The following XIRP1 variants were observed in gnomAD, a reference collection of about 807,000 sequenced individuals.
XIRP1 encodes the protein xin actin binding repeat containing 1.
For missense variants in XIRP1, 2,378 were observed against 2,345.4 expected (o/e 1.01, Z -0.29); for synonymous variants, 984 against 947.0 (o/e 1.04, Z -0.72).
rs1406582628 is a variant in XIRP1 at position 39,188,828 on chromosome 3, G to T, written c.618C>A (p.Arg206=). The change falls in exon 2 of 2, where the codon CGC becomes CGA. Residue 206 remains arginine (R), a synonymous_variant. Coordinates refer to ENST00000340369, the MANE Select transcript of XIRP1 (RefSeq NM_194293.4). ...ETRPLDRLGS[R]PSLQEQSPLE... is the part of the protein sequence containing the mutation. ...AGGGGCTCTGCTCCTGCAGGGAGGG[G>T]CGGGAGCCCAGGCGGTCCAGCGGCC... 5 of 1,613,046 alleles carry T rather than the reference G, an allele frequency of 3.1e-6. No homozygotes were observed. Among genetic ancestry groups the T allele is most frequent in the East Asian group, 2.2e-5 (1 of 44,884 alleles).
rs747906215 is a variant in XIRP1 at position 39,184,443 on chromosome 3, G to A, written c.5003C>T (p.Ser1668Phe). 8.1e-6 allele frequency: 13 copies of A among 1,614,092 alleles called. No homozygotes were observed. The Middle Eastern group carries it at 4.9e-4, about 61-fold the overall frequency. The change falls in exon 2 of 2, where the codon TCC becomes TTC. Residue 1668 changes from serine to phenylalanine, a missense_variant. Physicochemically the swap from Ser to Phe is radical, Grantham distance 155. Coordinates refer to ENST00000340369, the MANE Select transcript of XIRP1 (RefSeq NM_194293.4). ...CTGGATGGAGATAAATGTTGGGGAG[G>A]AGGGAGAATCTCGGCTGGAAGGTAA... is the stretch of plus-strand genomic sequence containing the variant. ...RVLPSSRDSP[S>F]SPTFISIQSA...
At position 39,184,963 on chromosome 3, in the gene XIRP1, G is replaced by T. The variant is rs373841784; in HGVS notation, c.4483C>A (p.Arg1495=). 1.4e-5 allele frequency: 22 copies of T among 1,542,494 alleles called. No homozygotes were observed. The highest frequency in any genetic ancestry group is 1.8e-5 in the Non-Finnish European group (21 of 1,146,864). The change falls in exon 2 of 2, where the codon CGG becomes AGG. Residue 1495 remains arginine (R), a synonymous_variant. Coordinates refer to ENST00000340369, the MANE Select transcript of XIRP1 (RefSeq NM_194293.4). ...TGGGGCACGGCCTCAAAGAGCCTCCGCAGGGCCTGCACGTCCACACTGCTT... is the reference window on the plus strand; with the variant it reads ...TGGGGCACGGCCTCAAAGAGCCTCCTCAGGGCCTGCACGTCCACACTGCTT... ...AASSVDVQAL[R]RLFEAVPQLG... is the part of the protein sequence containing the mutation.
Position 39,187,714 on chromosome 3 carries a change from G to C in XIRP1, c.1732C>G (p.Gln578Glu). 1 of 1,614,048 alleles carries C rather than the reference G, an allele frequency of 6.2e-7. No individual in the cohort carries two copies. Among genetic ancestry groups the C allele is most frequent in the Non-Finnish European group, 8.5e-7 (1 of 1,180,034 alleles). The change falls in exon 2 of 2, where the codon CAG becomes GAG. Residue 578 changes from glutamine to glutamate, a missense_variant. Transcript: ENST00000340369. ...QERQKEEGKSQGDPQPEAPPK... is the reference protein window; with the variant it reads ...QERQKEEGKSEGDPQPEAPPK... ...GGTGCCTCAGGCTGGGGGTCTCCCT[G>C]ACTCTTCCCTTCTTCTTTCTGTCGT...
rs1159958422 is a variant in XIRP1 at position 39,187,111 on chromosome 3, GCA to G, written c.2333_2334del (p.Leu778ProfsTer48). The G allele has an allele frequency of 6.2e-7, 1 of 1,613,344 alleles. No individual in the cohort carries two copies. The highest frequency in any genetic ancestry group is 8.5e-7 in the Non-Finnish European group (1 of 1,179,476). On this transcript the variant is annotated frameshift_variant, in exon 2 of 2. Coordinates refer to ENST00000340369, the MANE Select transcript of XIRP1 (RefSeq NM_194293.4). LOFTEE classifies it low-confidence loss of function (END_TRUNC). Reference protein sequence around the residue: ...ETAAEGTLRTLHATPGILHHG... With the variant: ...ETAAEGTLRTXHATPGILHHG... The stretch of plus-strand genomic sequence containing the variant: ...TGGTGCAGGATGCCAGGTGTGGCAT[GCA>G]GAGTCCGCAGGGTCCCCTCAGCTGC...
chr3:39,184,206 T>C lies in XIRP1; in HGVS notation c.5240A>G (p.Lys1747Arg), dbSNP rs745471050. The C allele has an allele frequency of 1.2e-6, 2 of 1,614,210 alleles. No individual in the cohort carries two copies. The highest frequency in any genetic ancestry group is 1.7e-6 in the Non-Finnish European group (2 of 1,180,032). The change falls in exon 2 of 2, where the codon AAG becomes AGG. Residue 1747 changes from lysine to arginine, a missense_variant. By Grantham distance (26) the Lys-to-Arg change is conservative. Coordinates refer to ENST00000340369, the MANE Select transcript of XIRP1 (RefSeq NM_194293.4). ...SASPLPRGWQ[K>R]SVLELQTGPG... ...CCCCGTCTGTAGCTCCAGAACACTC[T>C]TTTGCCACCCTCTGGGCAGGGGACT...
rs759722341 is a variant in XIRP1 at position 39,187,534 on chromosome 3, G to T, written c.1912C>A (p.Pro638Thr). 6.2e-7 allele frequency: 1 copy of T among 1,614,020 alleles called. No individual in the cohort carries two copies. The highest frequency in any genetic ancestry group is 8.5e-7 in the Non-Finnish European group (1 of 1,180,038). Residue 638 changes from proline to threonine, a missense_variant, in exon 2 of 2, where the codon CCA becomes ACA. Coordinates refer to ENST00000340369, the MANE Select transcript of XIRP1 (RefSeq NM_194293.4). ...WMFKPQPVDR[P>T]VGSREQHLQV... is the part of the protein sequence containing the mutation. ...AGGTGCTGCTCCCTGGAGCCCACTG[G>T]CCTGTCCACAGGTTGGGGCTTGAAC...
Position 39,185,956 on chromosome 3 carries a change from G to T in XIRP1, c.3490C>A (p.Pro1164Thr). The change falls in exon 2 of 2, where the codon CCC (proline) becomes ACC (threonine). Residue 1164 changes from proline (P) to threonine (T), a missense_variant. By Grantham distance (38) the Pro-to-Thr change is conservative. Transcript: ENST00000340369. ...PGGVQLSQREPQSRHRETALS... is the reference protein window; with the variant it reads ...PGGVQLSQRETQSRHRETALS... The stretch of plus-strand genomic sequence containing the variant: ...GCAGTCTCCCTGTGCCTTGACTGGG[G>T]TTCCCTCTGAGAAAGCTGGACACCC... 2 of 1,614,080 alleles carry T rather than the reference G, an allele frequency of 1.2e-6. No individual in the cohort carries two copies. The highest frequency in any genetic ancestry group is 1.7e-6 in the Non-Finnish European group (2 of 1,179,964).
intron 1 of XIRP1, among the ~76,000 whole-genome samples, chr3:39,191,023 G>A (rs1234363097): frequency 6.6e-6 from 1 of 152,186 alleles, no homozygotes; most frequent in Non-Finnish European, 1.5e-5. Context: ...CACCTTCCCT[G>A]GCCAAAGGAG....
Position 39,183,437 on chromosome 3 carries a change from CCAAA to C in XIRP1, c.*473_*476del, listed in dbSNP as rs2039900493. On this transcript the variant is annotated 3_prime_UTR_variant, in exon 2 of 2. Transcript: ENST00000340369. ...TCCTTCTGGAGACCTCACAGTGATT[CCAAA>C]CAGAGACCAACGCTGTGTCCAGTTG... 6.4e-6 allele frequency: 1 copy of C among 155,370 alleles called. No individual in the cohort carries two copies. The highest frequency in any genetic ancestry group is 2.4e-5 in the African/African-American group (1 of 41,472). 9.6% of individuals were successfully genotyped at this position (155,370 alleles called of 1,614,324 possible). A position where few individuals can be genotyped will look rare whatever the true frequency, so the allele number is the denominator to read the frequency against.
In XIRP1 at chr3:39,190,052, C is replaced by T. The variant is rs2040066060; in HGVS notation, c.-80-527G>A. Among the ~76,000 whole-genome samples, 2 of 152,342 alleles carry T rather than the reference C, an allele frequency of 1.3e-5. 1 individual carries two copies. Among genetic ancestry groups the T allele is most frequent in the Middle Eastern group, 6.8e-3 (2 of 294 alleles). On this transcript the variant is annotated intron_variant, in intron 1 of 1. Transcript: ENST00000340369. ...CTCTTGGCTGTCAACGCACTCCAAC[C>T]TTTCCCAGGCCCAAGGAGGCAAGCA...
Position 39,192,469 on chromosome 3 carries a change from G to T in XIRP1, c.-104C>A, listed in dbSNP as rs1161318388. On this transcript the variant is annotated 5_prime_UTR_variant, in exon 1 of 2. Coordinates refer to ENST00000340369, the MANE Select transcript of XIRP1 (RefSeq NM_194293.4). Reference sequence around the variant, plus strand: ...ACCAAGGGTCTCTCTTGGCTGATGGGGTGTTTGTGGTCTGTAGCAGCTGTG... The same window carrying T: ...ACCAAGGGTCTCTCTTGGCTGATGGTGTGTTTGTGGTCTGTAGCAGCTGTG... 1 of 152,340 alleles carries T rather than the reference G, an allele frequency of 6.6e-6. No homozygotes were observed. The highest frequency in any genetic ancestry group is 1.9e-4 in the East Asian group (1 of 5,202). The allele number at this position is 152,340 out of a possible 1,614,324, so 9.4% of individuals were successfully genotyped here.
Position 39,186,378 on chromosome 3 carries a change from C to G in XIRP1, c.3068G>C (p.Ser1023Thr), listed in dbSNP as rs762574509. 1 of 1,614,230 alleles carries G rather than the reference C, an allele frequency of 6.2e-7. No homozygotes were observed. Among genetic ancestry groups the G allele is most frequent in the East Asian group, 2.2e-5 (1 of 44,872 alleles). ...TGCCATCCCTTTCTGTCCAGAGTGACTGTCTTCCTGCTTTTCTGTGTTTTG... is the reference window on the plus strand; with the variant it reads ...TGCCATCCCTTTCTGTCCAGAGTGAGTGTCTTCCTGCTTTTCTGTGTTTTG... ...QLQNTEKQED[S>T]HSGQKGMAVL... The change falls in exon 2 of 2, where the codon AGT becomes ACT. Residue 1023 changes from serine (S) to threonine (T), a missense_variant. Coordinates refer to ENST00000340369, the MANE Select transcript of XIRP1 (RefSeq NM_194293.4).
At position 39,188,814 on chromosome 3, in the gene XIRP1, T is replaced by A. The variant is rs754193867; in HGVS notation, c.632A>T (p.Glu211Val). 7 of 1,613,240 alleles carry A rather than the reference T, an allele frequency of 4.3e-6. No individual in the cohort carries two copies. In the South Asian group the frequency reaches 6.6e-5, roughly 15 times the overall value. Reference sequence around the variant, plus strand: ...TGAGCGCAGTTCCAAGGGGCTCTGCTCCTGCAGGGAGGGGCGGGAGCCCAG... The same window carrying A: ...TGAGCGCAGTTCCAAGGGGCTCTGCACCTGCAGGGAGGGGCGGGAGCCCAG... Reference protein sequence around the residue: ...DRLGSRPSLQEQSPLELRSEI... With the variant: ...DRLGSRPSLQVQSPLELRSEI... The change falls in exon 2 of 2, where the codon GAG (glutamate) becomes GTG (valine). Residue 211 changes from glutamate to valine, a missense_variant. Transcript: ENST00000340369.
chr3:39,188,785 T>C lies in XIRP1; in HGVS notation c.661A>G (p.Ile221Val), dbSNP rs765173592. The change falls in exon 2 of 2, where the codon ATC becomes GTC. Residue 221 changes from isoleucine to valine, a missense_variant. Ile to Val is a conservative substitution (Grantham distance 29). Coordinates refer to ENST00000340369, the MANE Select transcript of XIRP1 (RefSeq NM_194293.4). ...TTCACATCACCCTTCAGCTCCTGGA[T>C]CTCTGAGCGCAGTTCCAAGGGGCTC... Reference protein sequence around the residue: ...EQSPLELRSEIQELKGDVKKT... With the variant: ...EQSPLELRSEVQELKGDVKKT... 8.1e-6 allele frequency: 13 copies of C among 1,613,592 alleles called. No individual in the cohort carries two copies. Among genetic ancestry groups the C allele is most frequent in the South Asian group, 7.7e-5 (7 of 91,092 alleles).
At position 39,186,907 on chromosome 3, in the gene XIRP1, C is replaced by G. The variant is rs890517872; in HGVS notation, c.2539G>C (p.Val847Leu). 1.2e-6 allele frequency: 2 copies of G among 1,614,012 alleles called. No individual in the cohort carries two copies. The highest frequency in any genetic ancestry group is 1.7e-6 in the Non-Finnish European group (2 of 1,179,946). The stretch of plus-strand genomic sequence containing the variant: ...AGCTGGCCAGTTGGGTCTTCCTGCA[C>G]CAGCAGCCCCTGCTGGTCCACATCT... Reference protein sequence around the residue: ...RPDVDQQGLLVQEDPTGQLQL... With the variant: ...RPDVDQQGLLLQEDPTGQLQL... Residue 847 changes from valine (V) to leucine (L), a missense_variant, in exon 2 of 2, where the codon GTG (valine) becomes CTG (leucine). Physicochemically the swap from Val to Leu is conservative, Grantham distance 32. Coordinates refer to ENST00000340369, the MANE Select transcript of XIRP1 (RefSeq NM_194293.4).
Position 39,184,814 on chromosome 3 carries a change from C to G in XIRP1, c.4632G>C (p.Leu1544Phe). 6.2e-7 allele frequency: 1 copy of G among 1,614,154 alleles called. No individual in the cohort carries two copies. Among genetic ancestry groups the G allele is most frequent in the Non-Finnish European group, 8.5e-7 (1 of 1,179,982 alleles). ...TEVAQLKEQT[L>F]ARLLDIEEAV... Reference sequence around the variant, plus strand: ...CCTCTTCAATGTCCAGCAGCCTTGCCAAGGTCTGTTCCTTCAGTTGAGCAA... The same window carrying G: ...CCTCTTCAATGTCCAGCAGCCTTGCGAAGGTCTGTTCCTTCAGTTGAGCAA... Residue 1544 changes from leucine to phenylalanine, a missense_variant, in exon 2 of 2, where the codon TTG becomes TTC. By Grantham distance (22) the Leu-to-Phe change is conservative (BLOSUM62 0). Coordinates refer to ENST00000340369, the MANE Select transcript of XIRP1 (RefSeq NM_194293.4).
At chr3:39,191,775 C>T (rs1414993205) in intron 1 of XIRP1, among the ~76,000 whole-genome samples, 4 of 152,224 alleles carry the variant, frequency 2.6e-5, no homozygotes, top group Admixed American at 2.6e-4. Context: ...GCCCAGCTGG[C>T]TCCATATGTC....
At position 39,186,165 on chromosome 3, in the gene XIRP1, C is replaced by A. The variant is rs748164364; in HGVS notation, c.3281G>T (p.Arg1094Leu). The A allele has an allele frequency of 1.9e-6, 3 of 1,613,596 alleles. No individual in the cohort carries two copies. Among genetic ancestry groups the A allele is most frequent in the Non-Finnish European group, 2.5e-6 (3 of 1,179,816 alleles). The part of the protein sequence containing the change: ...ATSNPIQDGL[R>L]KAGATQSNIR... ...GTTGCTTTGGGTAGCCCCAGCTTTC[C>A]GAAGACCGTCCTGGATGGGGTTGGA... Residue 1094 changes from arginine (R) to leucine (L), a missense_variant, in exon 2 of 2, where the codon CGG (arginine) becomes CTG (leucine). Transcript: ENST00000340369.
At position 39,185,452 on chromosome 3, in the gene XIRP1, G is replaced by A. The variant is rs2039949445; in HGVS notation, c.3994C>T (p.His1332Tyr). ...KKPQLPPKPA[H>Y]LTQSHPPQRL... ...TGAGGAGGGTGGCTCTGGGTTAGGT[G>A]TGCAGGTTTAGGGGGCAGCTGCGGC... The change falls in exon 2 of 2, where the codon CAC (histidine) becomes TAC (tyrosine). Residue 1332 changes from histidine to tyrosine, a missense_variant. His to Tyr is a moderately conservative substitution (Grantham distance 83). Coordinates refer to ENST00000340369, the MANE Select transcript of XIRP1 (RefSeq NM_194293.4). The A allele has an allele frequency of 6.2e-7, 1 of 1,601,456 alleles. No individual in the cohort carries two copies. Among genetic ancestry groups the A allele is most frequent in the Non-Finnish European group, 8.5e-7 (1 of 1,173,370 alleles).
Sources: allele counts gnomAD v4.1 joint callset (sites outside exome capture counted in the v4.1 genomes callset), GRCh38; gene constraint gnomAD v4.1.1; transcripts MANE v1.5; gene names NCBI Gene and HGNC (gene_info 2026-07-23, HGNC 2026-07-21).